The following FAR1 variants were observed in gnomAD, a reference collection of about 807,000 sequenced individuals.
FAR1 encodes the protein male sterility domain-containing protein 2.
FAR1 carries 22 observed loss-of-function variants against 61.1 expected under a neutral mutation model. That is an observed-to-expected ratio of 0.36 (90% CI 0.26 to 0.51). The LOEUF (loss-of-function observed/expected upper bound fraction) is 0.51, where lower values mean the gene tolerates loss of function less well. Ranked by LOEUF, FAR1 falls within the 20% of genes least tolerant of loss-of-function variation. FAR1 has a pLI of 0.95. For synonymous variants in FAR1, 206 were observed against 209.7 expected (o/e 0.98, Z 0.15); for missense variants, 359 against 626.9 (o/e 0.57, Z 4.56).
chr11:13,675,309 A>G (rs1848055283), intron 1 of FAR1, among the ~76,000 whole-genome samples: 1 of 152,188 alleles, frequency 6.6e-6, no homozygotes, highest in Admixed American at 6.5e-5. Flanking sequence ...GAGACTCTTA[A>G]GTGGGAACTG....
At chr11:13,727,513 A>G in intron 10 of FAR1, 43 bp from the exon 11 acceptor site, 1 of 1,554,116 alleles carries the variant, frequency 6.4e-7, no homozygotes, top group South Asian at 1.2e-5. Flanking sequence ...GTTGTGAGAA[A>G]AATTAGTCAA....
intron 1 of FAR1, chr11:13,685,794 G>T (rs1848179284): frequency 6.6e-6 from 1 of 152,126 alleles, no homozygotes; most frequent in African/African-American, 2.4e-5. Context: ...AATTTTTAAG[G>T]ATTCTCAGCA....
chr11:13,688,260 A>G (rs1848211734), intron 1 of FAR1, among the ~76,000 whole-genome samples: 1 of 150,820 alleles, frequency 6.6e-6, no homozygotes, highest in South Asian at 2.1e-4. Flanking sequence ...TTCCCCTAGG[A>G]GGAAAATTGT....
At chr11:13,711,898 C>G (rs887002178) in intron 6 of FAR1, 30 bp from the exon 7 acceptor site, 2 of 1,576,872 alleles carry the variant, frequency 1.3e-6, no homozygotes, top group East Asian at 2.2e-5. Flanking sequence ...GCTTATATAT[C>G]TTAAGGTGTT....
At chr11:13,707,714 AT>A (rs35499606) in intron 3 of FAR1, among the ~76,000 whole-genome samples, 185 bp from the exon 4 acceptor site, 3 of 152,148 alleles carry the variant, frequency 2.0e-5, no homozygotes, top group Non-Finnish European at 4.4e-5. Context: ...TTATAATCAA[AT>A]TTTTTTAACA....
In FAR1 at chr11:13,730,520, T is replaced by C. The variant is rs919894517; in HGVS notation, c.*1746T>C. 3.3e-5 allele frequency: 5 copies of C among 152,148 alleles called. No individual in the cohort carries two copies. Among genetic ancestry groups the C allele is most frequent in the African/African-American group, 1.2e-4 (5 of 41,438 alleles). 9.4% of individuals were successfully genotyped at this position (152,148 alleles called of 1,614,324 possible). ...CAATGTCTGAAAATGGAATAGATAA[T>C]GATGCCTTTTATTTAAAGTGGCCCA... On this transcript the variant is annotated 3_prime_UTR_variant, in exon 12 of 12. Transcript: ENST00000354817.
At chr11:13,718,301 C>T (rs893388820) in intron 9 of FAR1, among the ~76,000 whole-genome samples, 7 of 152,154 alleles carry the variant, frequency 4.6e-5, no homozygotes, top group Non-Finnish European at 1.0e-4. Context: ...CTCCAAATTC[C>T]ACTCAAATAG....
chr11:13,723,393 A>G (rs1055600372), intron 10 of FAR1: 1 of 419,840 alleles, frequency 2.4e-6, no homozygotes, highest in Non-Finnish European at 4.6e-6. Flanking sequence ...ACCCCAAAAA[A>G]AAACTTTTTT....
chr11:13,713,030 G>A lies in FAR1; in HGVS notation c.952G>A (p.Val318Ile), dbSNP rs1472884464. 1.9e-6 allele frequency: 3 copies of A among 1,612,012 alleles called. No homozygotes were observed. The highest frequency in any genetic ancestry group is 2.5e-6 in the Non-Finnish European group (3 of 1,178,344). ...GSTNPFHWGE[V>I]EYHVISTFKR... ...CACTAATCCTTTCCACTGGGGTGAA[G>A]TTGGTATGATTTTACCTGTGTTTTT... is the stretch of plus-strand genomic sequence containing the variant. Residue 318 changes from valine to isoleucine, a missense_variant, in exon 8 of 12, where the codon GTT becomes ATT. Physicochemically the swap from Val to Ile is conservative, Grantham distance 29. Around this residue, in one of 2 missense-constraint regions of FAR1, gnomAD observed 344 missense variants for 570.3 expected, o/e 0.60. Coordinates refer to ENST00000354817, the MANE Select transcript of FAR1 (RefSeq NM_032228.6).
rs577614124 is a variant in FAR1 at position 13,702,615 on chromosome 11, T to C, written c.365+2123T>C. Among the ~76,000 whole-genome samples the C allele has an allele frequency of 1.2e-4, 19 of 152,310 alleles. No homozygotes were observed. In the East Asian group the frequency reaches 2.3e-3, roughly 19 times the overall value. On this transcript the variant is annotated intron_variant, in intron 3 of 11. Coordinates refer to ENST00000354817, the MANE Select transcript of FAR1 (RefSeq NM_032228.6). Reference sequence around the variant, plus strand: ...GTGTGAAATGGTCAGTAAAGTCGATTTTTTCCCCCATAGTTCTGGCTTTTA... The same window carrying C: ...GTGTGAAATGGTCAGTAAAGTCGATCTTTTCCCCCATAGTTCTGGCTTTTA...
intron 2 of FAR1, among the ~76,000 whole-genome samples, chr11:13,696,387 C>T (rs950062093): frequency 6.6e-6 from 1 of 151,986 alleles, no homozygotes; most frequent in Non-Finnish European, 1.5e-5. Context: ...GAGTGATAGA[C>T]GTGTCAGGAG....
intron 1 of FAR1, among the ~76,000 whole-genome samples, chr11:13,683,226 C>G (rs1042430491): frequency 1.3e-5 from 2 of 151,992 alleles, no homozygotes; most frequent in African/African-American, 4.8e-5. Flanking sequence ...AACCTCATCT[C>G]TACTAAAAAT....
chr11:13,676,631 G>A (rs1848072083), intron 1 of FAR1, among the ~76,000 whole-genome samples: 1 of 151,944 alleles, frequency 6.6e-6, no homozygotes, highest in African/African-American at 2.4e-5. Context: ...AGAAATAGGT[G>A]GTTTTAAAAA....
chr11:13,720,744 A>G (rs886925104), intron 9 of FAR1: 57 of 152,070 alleles, frequency 3.7e-4, no homozygotes, highest in African/African-American at 1.3e-3. Context: ...CATGATACAT[A>G]TAATCCTAAT....
In FAR1 at chr11:13,729,672, A is replaced by G. The variant is rs1848703196; in HGVS notation, c.*898A>G. 1 of 151,996 alleles carries G rather than the reference A, an allele frequency of 6.6e-6. No homozygotes were observed. The highest frequency in any genetic ancestry group is 2.1e-4 in the South Asian group (1 of 4,832). 9.4% of individuals were successfully genotyped at this position (151,996 alleles called of 1,614,324 possible). ...CATACTTGTGTTCTCCTCCCTTTAT[A>G]AATTTTATTCATAGGACTTTTAAAA... On this transcript the variant is annotated 3_prime_UTR_variant, in exon 12 of 12. Coordinates refer to ENST00000354817, the MANE Select transcript of FAR1 (RefSeq NM_032228.6).
In FAR1 at chr11:13,723,890, TAAAC is replaced by T. The variant is rs1197590477; in HGVS notation, c.1257+2033_1257+2036del. On this transcript the variant is annotated intron_variant, in intron 10 of 11. Coordinates refer to ENST00000354817, the MANE Select transcript of FAR1 (RefSeq NM_032228.6). ...TTTTTCAGATCTTATAAATGTTTCT[TAAAC>T]AGTCTCTAGAATTTTTTCTTGAAAC... 3.3e-5 allele frequency among the ~76,000 whole-genome samples: 5 copies of T among 152,192 alleles called. No homozygotes were observed. In the East Asian group the frequency reaches 7.7e-4, roughly 23 times the overall value.
intron 10 of FAR1, among the ~76,000 whole-genome samples, chr11:13,726,635 G>A (rs1848668844): frequency 6.6e-6 from 1 of 151,666 alleles, no homozygotes; most frequent in African/African-American, 2.4e-5. Flanking sequence ...GATGGGGGCA[G>A]TGGGAGTTGT....
chr11:13,672,286 C>T (rs1459404833), intron 1 of FAR1, among the ~76,000 whole-genome samples: 2 of 151,768 alleles, frequency 1.3e-5, no homozygotes, highest in Non-Finnish European at 1.5e-5. Context: ...AAAATGCTTG[C>T]ACTTTTTAGT....
At chr11:13,669,545 A>T (rs1159829086) in intron 1 of FAR1, 1 of 152,208 alleles carries the variant, frequency 6.6e-6, no homozygotes, top group African/African-American at 2.4e-5. Flanking sequence ...AACGCGGTAG[A>T]TTTATGTGTG....
Sources: allele counts gnomAD v4.1 joint callset (sites outside exome capture counted in the v4.1 genomes callset), GRCh38; gene constraint gnomAD v4.1.1; regional missense constraint gnomAD v4.1.1; transcripts MANE v1.5; gene names NCBI Gene and HGNC (gene_info 2026-07-23, HGNC 2026-07-21).